IQCM: variants seen among roughly 807,000 people sequenced by gnomAD.
IQCM encodes the protein IQ motif containing M.
Under a neutral mutation model 57.6 loss-of-function variants are expected in IQCM, and 45 were observed. The ratio of observed to expected loss-of-function variants is 0.78; its 90% CI spans 0.62 to 1.00. IQCM has a LOEUF of 1.00. IQCM is among the 50% of genes least tolerant of loss of function. The pLI is 0.00. For missense variants in IQCM, 468 were observed against 511.6 expected (o/e 0.91, Z 0.82); for synonymous variants, 148 against 158.9 (o/e 0.93, Z 0.51).
intron 12 of IQCM, among the ~76,000 whole-genome samples, chr4:149,494,578 A>G (rs1340203170): frequency 6.6e-6 from 1 of 152,142 alleles, no homozygotes; most frequent in African/African-American, 2.4e-5. Context: ...CCTAACAGAA[A>G]GAAATTATAA....
chr4:149,383,448 G>A (rs1030241711), intron 13 of IQCM, among the ~76,000 whole-genome samples: 2 of 152,022 alleles, frequency 1.3e-5, no homozygotes, highest in African/African-American at 2.4e-5. Context: ...ACAGCATTTT[G>A]GTATATGCAA....
chr4:149,661,790 G>A (rs574951000), intron 7 of IQCM, among the ~76,000 whole-genome samples: 2 of 152,096 alleles, frequency 1.3e-5, no homozygotes, highest in African/African-American at 4.8e-5. Flanking sequence ...GTGGTATCAA[G>A]TTGTAATGTC....
At chr4:149,656,018 C>A (rs1215579059) in intron 7 of IQCM, among the ~76,000 whole-genome samples, 1 of 152,042 alleles carries the variant, frequency 6.6e-6, no homozygotes, top group Admixed American at 6.6e-5. Context: ...CATACAAAGG[C>A]ATGGAATCAC....
At chr4:149,463,612 T>C (rs1303628864) in intron 12 of IQCM, among the ~76,000 whole-genome samples, 1 of 152,184 alleles carries the variant, frequency 6.6e-6, no homozygotes, top group African/African-American at 2.4e-5. Flanking sequence ...GGTTATGAAA[T>C]TGTGATGGCT....
At chr4:149,740,403 G>A (rs1195953255) in intron 3 of IQCM, among the ~76,000 whole-genome samples, 1 of 152,146 alleles carries the variant, frequency 6.6e-6, no homozygotes, top group Non-Finnish European at 1.5e-5. Context: ...GTGCTTAAGA[G>A]TCTAGTGCTA....
chr4:149,688,704 T>C (rs1762726588), intron 5 of IQCM, among the ~76,000 whole-genome samples: 2 of 152,028 alleles, frequency 1.3e-5, no homozygotes, highest in African/African-American at 4.8e-5. Context: ...TTTCAAACTA[T>C]ACTATAAGGC....
chr4:149,570,071 A>C (rs1503700), intron 9 of IQCM, among the ~76,000 whole-genome samples: 1 of 151,722 alleles, frequency 6.6e-6, no homozygotes, highest in East Asian at 1.9e-4. Context: ...TCATATATAT[A>C]ATAAGTTAAT....
intron 2 of IQCM, among the ~76,000 whole-genome samples, chr4:149,814,442 C>T (rs1774866296): frequency 6.6e-6 from 1 of 151,932 alleles, no homozygotes; most frequent in African/African-American, 2.4e-5. Flanking sequence ...TCTGAAAGAA[C>T]AACCCAGTCT....
intron 12 of IQCM, among the ~76,000 whole-genome samples, chr4:149,460,775 T>A (rs1472271262): frequency 6.6e-6 from 1 of 152,198 alleles, no homozygotes; most frequent in African/African-American, 2.4e-5. Context: ...ATCTTTGCCA[T>A]GTAGAACAAA....
intron 13 of IQCM, among the ~76,000 whole-genome samples, chr4:149,424,030 G>A (rs988895791): frequency 6.6e-6 from 1 of 151,870 alleles, no homozygotes; most frequent in Non-Finnish European, 1.5e-5. Flanking sequence ...TAGCTTAGCT[G>A]CTATAGTAAT....
intron 13 of IQCM, among the ~76,000 whole-genome samples, chr4:149,382,787 C>T (rs772576718): frequency 6.6e-6 from 1 of 151,916 alleles, no homozygotes; most frequent in African/African-American, 2.4e-5. Context: ...GTAATTGTTT[C>T]GAGTGATATT....
chr4:149,601,186 AG>A (rs1290853348), intron 8 of IQCM, among the ~76,000 whole-genome samples: 1 of 123,136 alleles, frequency 8.1e-6, no homozygotes, highest in Non-Finnish European at 1.7e-5. Flanking sequence ...CTGATTCAAT[AG>A]ATCGGGCTGG....
At chr4:149,811,639 G>T (rs1774575046) in intron 2 of IQCM, among the ~76,000 whole-genome samples, 2 of 151,992 alleles carry the variant, frequency 1.3e-5, no homozygotes, top group African/African-American at 4.8e-5. Context: ...GGTATCCAGG[G>T]TCCTCATTCT....
At chr4:149,386,495 G>C (rs1442810323) in intron 13 of IQCM, among the ~76,000 whole-genome samples, 1 of 151,710 alleles carries the variant, frequency 6.6e-6, no homozygotes, top group Non-Finnish European at 1.5e-5. Flanking sequence ...CTTTTAAAAG[G>C]TATACTTTTA....
At chr4:149,616,262 A>T (rs1755780917) in intron 8 of IQCM, among the ~76,000 whole-genome samples, 1 of 152,234 alleles carries the variant, frequency 6.6e-6, no homozygotes, top group Non-Finnish European at 1.5e-5. Context: ...AATATTATTC[A>T]GCCTAAGAAA....
intron 12 of IQCM, among the ~76,000 whole-genome samples, chr4:149,477,893 A>G (rs2149743428): frequency 6.6e-6 from 1 of 152,270 alleles, no homozygotes; most frequent in Non-Finnish European, 1.5e-5. Context: ...AAGGTCTTGT[A>G]CAGGAAGGAC....
intron 12 of IQCM, among the ~76,000 whole-genome samples, chr4:149,441,876 G>A (rs1457059059): frequency 6.6e-6 from 1 of 152,042 alleles, no homozygotes; most frequent in East Asian, 1.9e-4. Context: ...GGGCCATGAG[G>A]GCACAGCCCT....
At chr4:149,389,655 C>T (rs112333635) in intron 13 of IQCM, among the ~76,000 whole-genome samples, 1,699 of 143,708 alleles carry the variant, frequency 0.012, 25 homozygotes, top group African/African-American at 0.033. Context: ...GGGAACAGAA[C>T]AATGAGAACA....
At chr4:149,392,480 G>A (rs570667354) in intron 13 of IQCM, among the ~76,000 whole-genome samples, 54 of 152,046 alleles carry the variant, frequency 3.6e-4, no homozygotes, top group African/African-American at 1.3e-3. Context: ...ATCTGTCCAC[G>A]GGGAAAAGGA....
Sources: allele counts gnomAD v4.1 joint callset (sites outside exome capture counted in the v4.1 genomes callset), GRCh38; gene constraint gnomAD v4.1.1; transcripts MANE v1.5; gene names NCBI Gene and HGNC (gene_info 2026-07-23, HGNC 2026-07-21).